CDH8: variants seen among roughly 807,000 people sequenced by gnomAD.
The protein encoded by CDH8 is cadherin-8.
In CDH8, 17 loss-of-function variants were observed where a neutral mutation model predicts 68.1. That is an observed-to-expected ratio of 0.25 (90% confidence interval 0.17 to 0.37). The LOEUF (loss-of-function observed/expected upper bound fraction) is 0.37, where lower values mean the gene tolerates loss of function less well. CDH8 is among the 10% of genes least tolerant of loss of function. The probability of loss-of-function intolerance (pLI) is 1.00; values close to 1 mark genes in which losing one functional copy is unlikely to be tolerated. For synonymous variants in CDH8, 372 were observed against 365.1 expected (o/e 1.02, Z -0.21); for missense variants, 763 against 999.3 (o/e 0.76, Z 3.19).
At chr16:62,033,179 C>CTGTG (rs1169164917) in intron 1 of CDH8, among the ~76,000 whole-genome samples, 6 of 152,270 alleles carry the variant, frequency 3.9e-5, no homozygotes, top group African/African-American at 1.4e-4. Context: ...CATTCCTGGG[C>CTGTG]TGTTTGTTTG....
Position 61,720,661 on chromosome 16 carries a change from T to A in CDH8, c.1536+6433A>T, listed in dbSNP as rs566379425. Among the ~76,000 whole-genome samples, 11 of 150,930 alleles carry A rather than the reference T, an allele frequency of 7.3e-5. No individual in the cohort carries two copies. The South Asian group carries it at 1.5e-3, about 20-fold the overall frequency. On this transcript the variant is annotated intron_variant, in intron 9 of 11. Transcript: ENST00000577390. ...TTCCAGCTAATTTTTTTTAAAAAAA[T>A]TTAACCCACAGATTCCCATGGGGAA...
intron 4 of CDH8, among the ~76,000 whole-genome samples, chr16:61,851,415 G>T (rs1417942318): frequency 6.6e-6 from 1 of 151,948 alleles, no homozygotes; most frequent in African/African-American, 2.4e-5. Flanking sequence ...TCACTTGCCT[G>T]GAGCAAAGTT....
chr16:61,953,946 C>T lies in CDH8; in HGVS notation c.253-52473G>A, dbSNP rs865982425. On this transcript the variant is annotated intron_variant, in intron 2 of 11. Transcript: ENST00000577390. Reference sequence around the variant, plus strand: ...ATATATAAAATACCTTAATAACATGCTATCTACTATATAGAGACTTTCTCC... The same window carrying T: ...ATATATAAAATACCTTAATAACATGTTATCTACTATATAGAGACTTTCTCC... Among the ~76,000 whole-genome samples the T allele has an allele frequency of 1.4e-3, 198 of 138,320 alleles. 3 individuals are homozygous for T. In the Middle Eastern group the frequency reaches 0.031, roughly 22 times the overall value. 90.7% of individuals were successfully genotyped at this position (138,320 alleles called of 152,430 possible). A position where few individuals can be genotyped will look rare whatever the true frequency, so the allele number is the denominator to read the frequency against.
At chr16:61,793,726 G>A (rs1190249837) in intron 7 of CDH8, among the ~76,000 whole-genome samples, 1 of 151,992 alleles carries the variant, frequency 6.6e-6, no homozygotes, top group Non-Finnish European at 1.5e-5. Context: ...GCATGCCTGT[G>A]TCTTTATAAC....
chr16:61,960,013 T>C lies in CDH8; in HGVS notation c.253-58540A>G, dbSNP rs866738880. ...ATATATATATATATATATATATATA[T>C]ATACACACATACACACACACACACA... On this transcript the variant is annotated intron_variant, in intron 2 of 11. Transcript: ENST00000577390. Among the ~76,000 whole-genome samples the C allele has an allele frequency of 3.3e-3, 267 of 80,526 alleles. 20 individuals carry two copies. Among genetic ancestry groups the C allele is most frequent in the African/African-American group, 0.022 (240 of 11,148 alleles). 52.8% of individuals were successfully genotyped at this position (80,526 alleles called of 152,430 possible).
chr16:62,021,691 C>A, intron 1 of CDH8, 89 bp from the exon 2 acceptor site: 1 of 581,898 alleles, frequency 1.7e-6, no homozygotes, highest in Non-Finnish European at 2.6e-6. Context: ...CTGAAGTGAA[C>A]AATAGTAGGC....
At chr16:61,696,940 G>C (rs111557323) in intron 10 of CDH8, among the ~76,000 whole-genome samples, 1 of 152,056 alleles carries the variant, frequency 6.6e-6, no homozygotes, top group African/African-American at 2.4e-5. Context: ...GGGACCACTC[G>C]GGGGAGGAAG....
intron 8 of CDH8, among the ~76,000 whole-genome samples, chr16:61,737,315 A>G (rs953724351): frequency 2.6e-5 from 4 of 152,184 alleles, no homozygotes; most frequent in Non-Finnish European, 5.9e-5. Context: ...TGAGCTTTCT[A>G]CAAGTAGAAG....
intron 8 of CDH8, among the ~76,000 whole-genome samples, chr16:61,767,571 A>T (rs934953737): frequency 1.3e-5 from 2 of 152,076 alleles, no homozygotes; most frequent in Middle Eastern, 3.4e-3. Flanking sequence ...ACATTAAAAA[A>T]GTAGGGAGGT....
chr16:61,949,427 C>T (rs1313895901), intron 2 of CDH8, among the ~76,000 whole-genome samples: 2 of 152,114 alleles, frequency 1.3e-5, no homozygotes, highest in Non-Finnish European at 2.9e-5. Context: ...AGAATAAAAG[C>T]TGGCCACCCC....
At chr16:61,748,515 T>C (rs998749392) in intron 8 of CDH8, among the ~76,000 whole-genome samples, 4 of 151,918 alleles carry the variant, frequency 2.6e-5, no homozygotes, top group Non-Finnish European at 4.4e-5. Context: ...TATTCATAGA[T>C]ACTTAGAAAT....
intron 3 of CDH8, among the ~76,000 whole-genome samples, chr16:61,869,515 T>C (rs1963317681): frequency 6.6e-6 from 1 of 152,208 alleles, no homozygotes; most frequent in African/African-American, 2.4e-5. Context: ...AATGTATGTG[T>C]CCATGTGTAC....
chr16:61,960,063 G>A (rs865836067), intron 2 of CDH8, among the ~76,000 whole-genome samples: 1 of 120,950 alleles, frequency 8.3e-6, no homozygotes, highest in African/African-American at 3.6e-5. Flanking sequence ...ATGTGTGTGT[G>A]TATACACATA....
intron 4 of CDH8, among the ~76,000 whole-genome samples, chr16:61,840,919 T>C (rs1020974857): frequency 6.7e-6 from 1 of 149,962 alleles, no homozygotes; most frequent in South Asian, 2.1e-4. Context: ...ATCCCAGAAC[T>C]TAACATAAAA....
chr16:61,940,209 T>A (rs1369377096), intron 2 of CDH8: 1 of 152,110 alleles, frequency 6.6e-6, no homozygotes, highest in Non-Finnish European at 1.5e-5. Flanking sequence ...CTTTCTTACG[T>A]CGAATGCTGC....
At chr16:61,951,355 CA>C (rs549509017) in intron 2 of CDH8, among the ~76,000 whole-genome samples, 1 of 151,206 alleles carries the variant, frequency 6.6e-6, no homozygotes. Context: ...ACTAAAAATA[CA>C]AAAAAAATTA....
At chr16:61,940,255 T>C (rs1964692361) in intron 2 of CDH8, 1 of 152,140 alleles carries the variant, frequency 6.6e-6, no homozygotes, top group Non-Finnish European at 1.5e-5. Context: ...CGAATTATAC[T>C]CTGCTCCTTG....
At chr16:61,841,837 A>C (rs1034837445) in intron 4 of CDH8, among the ~76,000 whole-genome samples, 2 of 152,196 alleles carry the variant, frequency 1.3e-5, no homozygotes, top group Admixed American at 6.5e-5. Context: ...AGACAATAAA[A>C]ATTTAAAAAA....
intron 2 of CDH8, among the ~76,000 whole-genome samples, chr16:61,976,106 G>A (rs1055465045): frequency 1.3e-5 from 2 of 152,136 alleles, no homozygotes; most frequent in South Asian, 2.1e-4. Context: ...AGGCTGCACT[G>A]GTAATCCTAT....
Sources: allele counts gnomAD v4.1 joint callset (sites outside exome capture counted in the v4.1 genomes callset), GRCh38; gene constraint gnomAD v4.1.1; transcripts MANE v1.5; gene names NCBI Gene and HGNC (gene_info 2026-07-23, HGNC 2026-07-21).